PDE1A: variants seen among roughly 807,000 people sequenced by gnomAD.
PDE1A encodes the protein phosphodiesterase 1A, also known as dual specificity calcium/calmodulin-dependent 3',5'-cyclic nucleotide phosphodiesterase 1A.
Under a neutral mutation model 61.7 loss-of-function variants are expected in PDE1A, and 35 were observed. The observed-to-expected ratio is 0.57, with a 90% CI of 0.43 to 0.75. The LOEUF (loss-of-function observed/expected upper bound fraction) is 0.75. PDE1A is among the 30% of genes least tolerant of loss of function. The probability of loss-of-function intolerance (pLI) is 0.00; values close to 1 mark genes in which losing one functional copy is unlikely to be tolerated. For missense variants in PDE1A, 597 were observed against 630.6 expected (o/e 0.95, Z 0.57); for synonymous variants, 232 against 213.2 (o/e 1.09, Z -0.77).
intron 2 of PDE1A, among the ~76,000 whole-genome samples, chr2:182,480,717 C>A (rs1170086401): frequency 6.6e-6 from 1 of 151,896 alleles, no homozygotes; most frequent in African/African-American, 2.4e-5. Context: ...ACTTGAGCAT[C>A]TTCTGAGGTT....
At chr2:182,681,275 G>A in the PDE1A span, among the ~76,000 whole-genome samples, 1,175 of 151,578 alleles carry the variant, frequency 7.8e-3, 5 homozygotes, top group Non-Finnish European at 0.013. Context: ...CAATTCACAT[G>A]TGTTTCACTG....
At chr2:182,544,513 G>T in the PDE1A span, among the ~76,000 whole-genome samples, 1 of 152,170 alleles carries the variant, frequency 6.6e-6, no homozygotes, top group Non-Finnish European at 1.5e-5. Flanking sequence ...CATACCATCA[G>T]CTTAGAGAGC....
intron 1 of PDE1A, among the ~76,000 whole-genome samples, chr2:182,411,667 T>G (rs1242061015): frequency 6.6e-6 from 1 of 152,192 alleles, no homozygotes; most frequent in Non-Finnish European, 1.5e-5. Context: ...TTCACAAATG[T>G]CCAGGAACAT....
chr2:182,295,219 C>T (rs1176431482), intron 1 of PDE1A, among the ~76,000 whole-genome samples: 7 of 151,576 alleles, frequency 4.6e-5, no homozygotes, highest in South Asian at 4.2e-4. Context: ...GGACTACAGG[C>T]GCCCACCACC....
chr2:182,419,868 G>T (rs1256151552), intron 1 of PDE1A, among the ~76,000 whole-genome samples: 1 of 151,984 alleles, frequency 6.6e-6, no homozygotes, highest in African/African-American at 2.4e-5. Flanking sequence ...TTGAAGACTT[G>T]GGTGAATTCT....
intron 1 of PDE1A, among the ~76,000 whole-genome samples, chr2:182,406,197 A>G (rs1702287647): frequency 6.6e-6 from 1 of 152,110 alleles, no homozygotes; most frequent in African/African-American, 2.4e-5. Context: ...ATAAAAGTTC[A>G]AACAAGGCCT....
intron 1 of PDE1A, among the ~76,000 whole-genome samples, chr2:182,386,954 G>T (rs4594404): frequency 1.3e-5 from 2 of 152,258 alleles, no homozygotes; most frequent in East Asian, 1.9e-4. Context: ...CCATGATGAC[G>T]ACGGCGGTTT....
the PDE1A span, among the ~76,000 whole-genome samples, chr2:182,701,347 T>C: frequency 6.6e-6 from 1 of 151,312 alleles, no homozygotes; most frequent in East Asian, 2.0e-4. Flanking sequence ...CCTTCTGTTT[T>C]AGTAATATTT....
At chr2:182,440,223 T>A (rs1203384244) in intron 2 of PDE1A, among the ~76,000 whole-genome samples, 1 of 152,096 alleles carries the variant, frequency 6.6e-6, no homozygotes, top group Non-Finnish European at 1.5e-5. Flanking sequence ...CTAGTCTACA[T>A]ATTTTCTTCC....
At chr2:182,505,022 T>C (rs1333307401) in intron 2 of PDE1A, among the ~76,000 whole-genome samples, 2 of 152,224 alleles carry the variant, frequency 1.3e-5, no homozygotes, top group African/African-American at 2.4e-5. Context: ...CCTGATTGCC[T>C]CCAAATTCAG....
chr2:182,380,268 G>A (rs1189096376), intron 1 of PDE1A, among the ~76,000 whole-genome samples: 2 of 151,936 alleles, frequency 1.3e-5, no homozygotes, highest in East Asian at 3.9e-4. Context: ...CTGCCACCAC[G>A]CCAGGCTACT....
At chr2:182,652,626 TA>T in the PDE1A span, among the ~76,000 whole-genome samples, 1 of 152,090 alleles carries the variant, frequency 6.6e-6, no homozygotes, top group Non-Finnish European at 1.5e-5. Context: ...CCACCCCTGG[TA>T]CCATTGAGAC....
intron 2 of PDE1A, among the ~76,000 whole-genome samples, chr2:182,445,363 T>C (rs1193615808): frequency 1.3e-5 from 2 of 152,146 alleles, no homozygotes; most frequent in Non-Finnish European, 2.9e-5. Flanking sequence ...AGTTTATGCC[T>C]TGAGCTATCG....
chr2:182,302,924 G>A (rs949491777), intron 1 of PDE1A, among the ~76,000 whole-genome samples: 1 of 152,134 alleles, frequency 6.6e-6, no homozygotes, highest in Non-Finnish European at 1.5e-5. Flanking sequence ...TCACGCATAA[G>A]AAGCAACTCT....
intron 2 of PDE1A, among the ~76,000 whole-genome samples, chr2:182,446,653 A>G (rs16823257): frequency 0.18 from 27,006 of 152,082 alleles, 2,825 homozygotes; most frequent in Middle Eastern, 0.36. Context: ...TAATATTGTC[A>G]TTTGGTTAAT....
At chr2:182,358,034 C>T (rs1018765446) in intron 1 of PDE1A, among the ~76,000 whole-genome samples, 1 of 152,184 alleles carries the variant, frequency 6.6e-6, no homozygotes, top group Non-Finnish European at 1.5e-5. Flanking sequence ...GGATGACTAT[C>T]TCTTGGTTGG....
At chr2:182,349,801 C>T (rs937131916) in intron 1 of PDE1A, among the ~76,000 whole-genome samples, 7 of 151,960 alleles carry the variant, frequency 4.6e-5, no homozygotes, top group South Asian at 4.2e-4. Context: ...TAAAGACACA[C>T]GCAAACAGAG....
Position 182,161,558 on chromosome 2 carries a change from G to A in PDE1A, c.1517-14406C>T, listed in dbSNP as rs142278464. Among the ~76,000 whole-genome samples the A allele has an allele frequency of 2.1e-3, 312 of 152,150 alleles. No homozygotes were observed. In the South Asian group the frequency reaches 0.031, roughly 15 times the overall value. ...TGCATTGTCAGAAAAAAGAGTAATG[G>A]TCTCCCCTGCAGCAGTTGCCGGGCA... On this transcript the variant is annotated intron_variant, in intron 13 of 13. Transcript: ENST00000409365.
At chr2:182,475,131 T>C (rs1279482710) in intron 2 of PDE1A, among the ~76,000 whole-genome samples, 1 of 151,840 alleles carries the variant, frequency 6.6e-6, no homozygotes, top group East Asian at 1.9e-4. Context: ...CTTAGACACT[T>C]TCAGGAGCCA....
Sources: gnomAD v4.1 joint callset for allele counts (sites outside exome capture counted in the v4.1 genomes callset) on GRCh38, gnomAD v4.1.1 for gene constraint, MANE v1.5 for transcripts, NCBI Gene and HGNC (gene_info 2026-07-23, HGNC 2026-07-21) for gene names.